Variants in PARD3B observed in about 807,000 individuals in gnomAD.
PARD3B encodes partitioning defective 3 homolog B.
Under a neutral mutation model 130.2 loss-of-function variants are expected in PARD3B, and 103 were observed. That is an observed-to-expected ratio of 0.79 (90% CI 0.67 to 0.93). The LOEUF is 0.93. Among genes scored for constraint, PARD3B ranks in the 40% least tolerant of loss-of-function variants. The pLI, the probability that PARD3B is intolerant of heterozygous loss-of-function variation, is 0.00. For missense variants in PARD3B, 1,609 were observed against 1,499.2 expected (o/e 1.07, Z -1.21); for synonymous variants, 583 against 553.2 (o/e 1.05, Z -0.76).
At position 205,241,459 on chromosome 2, in the gene PARD3B, T is replaced by C. The variant is rs2039348664; in HGVS notation, c.2141-4319T>C. 6.6e-6 allele frequency among the ~76,000 whole-genome samples: 1 copy of C among 152,198 alleles called. No homozygotes were observed. The highest frequency in any genetic ancestry group is 1.5e-5 in the Non-Finnish European group (1 of 68,012). ...TTGCAGCTTCAGAAACCTGAGCATTTCATTGGTATCTCTTCAATTATTGTA... is the reference window on the plus strand; with the variant it reads ...TTGCAGCTTCAGAAACCTGAGCATTCCATTGGTATCTCTTCAATTATTGTA... On this transcript the variant is annotated intron_variant, in intron 15 of 22. Coordinates refer to ENST00000406610, the MANE Select transcript of PARD3B (RefSeq NM_001302769.2). This position sits in a 1 kb window ranked among gnomAD's most constrained non-coding sequence, Gnocchi z 4.2.
At chr2:205,608,868 C>T (rs1350248323) in intron 22 of PARD3B, among the ~76,000 whole-genome samples, 15 of 152,168 alleles carry the variant, frequency 9.9e-5, no homozygotes, top group Admixed American at 9.8e-4. Flanking sequence ...TGTCTTTGAG[C>T]ACTCAGTCAC....
chr2:205,194,581 A>G (rs1444320319), intron 15 of PARD3B, among the ~76,000 whole-genome samples: 3 of 152,206 alleles, frequency 2.0e-5, no homozygotes, highest in Non-Finnish European at 4.4e-5. Context: ...AAGAAGATGA[A>G]TGGATCAAAA....
intron 13 of PARD3B, among the ~76,000 whole-genome samples, chr2:205,185,054 A>G (rs919138239): frequency 6.6e-6 from 1 of 152,208 alleles, no homozygotes; most frequent in East Asian, 1.9e-4. Flanking sequence ...TGTCTGCTGT[A>G]TAATAAGATC....
At chr2:204,667,562 C>A (rs747844331) in intron 1 of PARD3B, among the ~76,000 whole-genome samples, 6 of 152,140 alleles carry the variant, frequency 3.9e-5, no homozygotes, top group Non-Finnish European at 5.9e-5. Flanking sequence ...CTGAACTTGA[C>A]TCACATTTTC....
In PARD3B at chr2:205,615,702, GC is replaced by G. The variant is rs1420190255; in HGVS notation, c.3509del (p.Pro1170GlnfsTer32). ...PPSPPQHQRM[P>X]AYQETGRPGP... ...CTTCCCCTCCCCAGCACCAAAGAAT[GC>G]CAGCCTATCAGGAAACAGGCAGACC... On this transcript the variant is annotated frameshift_variant, in exon 23 of 23. Coordinates refer to ENST00000406610, the MANE Select transcript of PARD3B (RefSeq NM_001302769.2). LOFTEE classifies it high-confidence loss of function. 6.2e-7 allele frequency: 1 copy of G among 1,613,844 alleles called. No individual in the cohort carries two copies. Among genetic ancestry groups the G allele is most frequent in the African/African-American group, 1.3e-5 (1 of 74,858 alleles).
At chr2:205,252,870 G>C (rs201704636) in intron 16 of PARD3B, among the ~76,000 whole-genome samples, 1 of 119,726 alleles carries the variant, frequency 8.4e-6, no homozygotes, top group African/African-American at 3.3e-5. Flanking sequence ...AAAAAAAAAG[G>C]AGAGAGAGAC....
In PARD3B at chr2:204,825,833, A is replaced by G. The variant is rs78163344; in HGVS notation, c.223-139319A>G. On this transcript the variant is annotated intron_variant, in intron 2 of 22. Transcript: ENST00000406610. The stretch of plus-strand genomic sequence containing the variant: ...GAAATGCAGCTGTTGTGTATAGAGT[A>G]ATTGGTTTCTTCAATTCTTGTGAAG... 1.5e-3 allele frequency among the ~76,000 whole-genome samples: 225 copies of G among 152,298 alleles called. 7 individuals carry two copies. The East Asian group carries it at 0.022, about 15-fold the overall frequency.
intron 16 of PARD3B, among the ~76,000 whole-genome samples, chr2:205,282,723 A>G (rs2041238178): frequency 6.6e-6 from 1 of 152,156 alleles, no homozygotes. Flanking sequence ...TGCCTAAGTC[A>G]TTGTCTGGTC....
intron 22 of PARD3B, among the ~76,000 whole-genome samples, chr2:205,613,524 T>C (rs1458718947): frequency 2.0e-5 from 3 of 152,238 alleles, no homozygotes; most frequent in Non-Finnish European, 1.5e-5. Flanking sequence ...CCAGAGCCTT[T>C]ATTTCCCATG....
chr2:205,519,808 G>C (rs1047483311), intron 21 of PARD3B, among the ~76,000 whole-genome samples: 3 of 152,160 alleles, frequency 2.0e-5, no homozygotes, highest in Non-Finnish European at 2.9e-5. Context: ...TTTATTTGAA[G>C]CTGACTTCTT....
chr2:205,609,522 C>A (rs1294952622), intron 22 of PARD3B, among the ~76,000 whole-genome samples: 2 of 151,888 alleles, frequency 1.3e-5, no homozygotes, highest in African/African-American at 4.8e-5. Flanking sequence ...TCAATTATTA[C>A]CAAAAAAGGA....
chr2:204,884,254 G>A lies in PARD3B; in HGVS notation c.223-80898G>A, dbSNP rs531889819. Among the ~76,000 whole-genome samples the A allele has an allele frequency of 2.6e-5, 4 of 152,226 alleles. No individual in the cohort carries two copies. The East Asian group carries it at 7.7e-4, about 29-fold the overall frequency. On this transcript the variant is annotated intron_variant, in intron 2 of 22. Coordinates refer to ENST00000406610, the MANE Select transcript of PARD3B (RefSeq NM_001302769.2). ...TAGATTATGTCTACAAATTTGAAAT[G>A]TTACCATTGAAATAAATGAATCAGG...
At chr2:205,020,757 T>G (rs1295418437) in intron 3 of PARD3B, among the ~76,000 whole-genome samples, 1 of 152,152 alleles carries the variant, frequency 6.6e-6, no homozygotes, top group Non-Finnish European at 1.5e-5. Flanking sequence ...TCTCCCTCAC[T>G]TCACATTGGG....
chr2:205,040,580 C>G (rs1422692756), intron 3 of PARD3B, among the ~76,000 whole-genome samples: 1 of 152,096 alleles, frequency 6.6e-6, no homozygotes, highest in Admixed American at 6.6e-5. Flanking sequence ...TACATGAAAC[C>G]AAGATGCAGC....
At chr2:205,037,274 T>C (rs1003871994) in intron 3 of PARD3B, among the ~76,000 whole-genome samples, 1 of 144,846 alleles carries the variant, frequency 6.9e-6, no homozygotes, top group Non-Finnish European at 1.5e-5. Flanking sequence ...ACTATTTGTA[T>C]AAAATATATA....
Position 204,967,818 on chromosome 2 carries a change from G to T in PARD3B, c.394+2495G>T, listed in dbSNP as rs552730834. ...TGTGCACCTCCAGATGGAGAGATGT[G>T]GTTGGCAGTAGAGGCAGTATTGATG... On this transcript the variant is annotated intron_variant, in intron 3 of 22. Coordinates refer to ENST00000406610, the MANE Select transcript of PARD3B (RefSeq NM_001302769.2). This position sits in a 1 kb window ranked among gnomAD's most constrained non-coding sequence, Gnocchi z 4.4. Among the ~76,000 whole-genome samples, 1 of 152,174 alleles carries T rather than the reference G, an allele frequency of 6.6e-6. No homozygotes were observed. Among genetic ancestry groups the T allele is most frequent in the African/African-American group, 2.4e-5 (1 of 41,436 alleles).
chr2:204,892,753 A>C (rs1205895666), intron 2 of PARD3B, among the ~76,000 whole-genome samples: 1 of 152,130 alleles, frequency 6.6e-6, no homozygotes, highest in South Asian at 2.1e-4. Context: ...AGATGTGGGG[A>C]AACAAAAGGA....
rs1418657718 is a variant in PARD3B, at chr2:205,078,833, T to G, written c.505-25593T>G. Among the ~76,000 whole-genome samples, 1 of 152,220 alleles carries G rather than the reference T, an allele frequency of 6.6e-6. No homozygotes were observed. Among genetic ancestry groups the G allele is most frequent in the African/African-American group, 2.4e-5 (1 of 41,454 alleles). On this transcript the variant is annotated intron_variant, in intron 4 of 22. Coordinates refer to ENST00000406610, the MANE Select transcript of PARD3B (RefSeq NM_001302769.2). The surrounding 1 kb of genome is among the most constrained non-coding windows in gnomAD (Gnocchi z 4.0). ...CAGATGCCATGTAAGAAAGTCCATT[T>G]CTCTGAGTCCACTTTGCTAGAAAGG...
Position 205,288,261 on chromosome 2 carries a change from C to T in PARD3B, c.2186-12269C>T, listed in dbSNP as rs1181551380. 6.6e-6 allele frequency among the ~76,000 whole-genome samples: 1 copy of T among 152,060 alleles called. No individual in the cohort carries two copies. Among genetic ancestry groups the T allele is most frequent in the Non-Finnish European group, 1.5e-5 (1 of 68,026 alleles). ...CTCCCAAGTGCATTAAGATATGTTC[C>T]TGCACCCTATCCCTCCTCGTCAGAG... On this transcript the variant is annotated intron_variant, in intron 16 of 22. Transcript: ENST00000406610. The surrounding 1 kb of genome is among the most constrained non-coding windows in gnomAD (Gnocchi z 4.0).
Sources: allele counts gnomAD v4.1 joint callset (sites outside exome capture counted in the v4.1 genomes callset), GRCh38; gene constraint gnomAD v4.1.1; non-coding constraint Gnocchi (gnomAD v3.1); transcripts MANE v1.5; gene names NCBI Gene and HGNC (gene_info 2026-07-23, HGNC 2026-07-21).